DPP10: variants seen among roughly 807,000 people sequenced by gnomAD.
DPP10 encodes the protein dipeptidyl peptidase like 10, also known as inactive dipeptidyl peptidase 10.
DPP10 carries 33 observed loss-of-function variants against 120.9 expected under a neutral mutation model. The ratio of observed to expected loss-of-function variants is 0.27; its 90% confidence interval spans 0.21 to 0.37. The LOEUF (loss-of-function observed/expected upper bound fraction) is 0.37, where lower values mean the gene tolerates loss of function less well. DPP10 is among the 10% of genes least tolerant of loss of function. The pLI, the probability that DPP10 is intolerant of heterozygous loss-of-function variation, is 1.00. For synonymous variants in DPP10, 337 were observed against 326.1 expected (o/e 1.03, Z -0.36); for missense variants, 816 against 942.8 (o/e 0.87, Z 1.76).
At chr2:114,444,459 G>A (rs1421585411) in intron 1 of DPP10, among the ~76,000 whole-genome samples, 1 of 152,094 alleles carries the variant, frequency 6.6e-6, no homozygotes, top group Admixed American at 6.6e-5. Flanking sequence ...CAGGAATCAA[G>A]CATTTATTTT....
chr2:115,258,639 A>G (rs924503672), intron 1 of DPP10, among the ~76,000 whole-genome samples: 6 of 152,162 alleles, frequency 3.9e-5, no homozygotes, highest in African/African-American at 7.2e-5. Context: ...TAATGATTCT[A>G]TTTTATTTCA....
At chr2:115,805,373 GCTT>G (rs952453704) in intron 19 of DPP10, among the ~76,000 whole-genome samples, 7 of 152,188 alleles carry the variant, frequency 4.6e-5, no homozygotes, top group Admixed American at 3.9e-4. Context: ...GACCCCTTGC[GCTT>G]CCCGGGTGAG....
chr2:115,058,272 G>A (rs62164505), intron 1 of DPP10, among the ~76,000 whole-genome samples: 1 of 59,542 alleles, frequency 1.7e-5, no homozygotes, highest in Non-Finnish European at 2.9e-5. Flanking sequence ...TAATCATAAA[G>A]GGACAAAAAA....
chr2:114,964,756 T>C (rs1698884733), intron 1 of DPP10, among the ~76,000 whole-genome samples: 3 of 152,122 alleles, frequency 2.0e-5, no homozygotes, highest in African/African-American at 7.2e-5. Context: ...GGTGAAGGTT[T>C]TGGCTTTTCC....
At chr2:115,286,656 G>A (rs2060417648) in intron 1 of DPP10, among the ~76,000 whole-genome samples, 1 of 148,404 alleles carries the variant, frequency 6.7e-6, no homozygotes, top group Admixed American at 6.8e-5. Context: ...GGAGGTAAGG[G>A]TGTGGATTAA....
intron 3 of DPP10, among the ~76,000 whole-genome samples, chr2:115,446,467 A>G (rs2072599423): frequency 6.6e-6 from 1 of 152,196 alleles, no homozygotes; most frequent in African/African-American, 2.4e-5. Flanking sequence ...AAGCAGCTCA[A>G]CAGTCAAAGA....
At chr2:114,462,947 G>C (rs987280839) in intron 1 of DPP10, among the ~76,000 whole-genome samples, 4 of 151,966 alleles carry the variant, frequency 2.6e-5, no homozygotes, top group African/African-American at 9.7e-5. Context: ...TTTTTGTTTT[G>C]TAAGCATTTC....
At chr2:114,960,836 G>A (rs968372683) in intron 1 of DPP10, among the ~76,000 whole-genome samples, 5 of 152,080 alleles carry the variant, frequency 3.3e-5, no homozygotes, top group African/African-American at 1.2e-4. Flanking sequence ...GGGTGACTTT[G>A]AGAAAGATTC....
chr2:115,616,549 C>T (rs1463951665), intron 5 of DPP10, among the ~76,000 whole-genome samples: 4 of 151,422 alleles, frequency 2.6e-5, no homozygotes, highest in African/African-American at 9.7e-5. Flanking sequence ...TATTCATCTA[C>T]AGAAGCTATT....
At chr2:115,353,452 T>G (rs1414576706) in intron 3 of DPP10, among the ~76,000 whole-genome samples, 1 of 152,206 alleles carries the variant, frequency 6.6e-6, no homozygotes, top group Non-Finnish European at 1.5e-5. Context: ...TGTTATACTT[T>G]GATCTCCTTT....
At chr2:115,332,283 T>C (rs1177852254) in intron 2 of DPP10, among the ~76,000 whole-genome samples, 1 of 152,124 alleles carries the variant, frequency 6.6e-6, no homozygotes, top group African/African-American at 2.4e-5. Flanking sequence ...CCCTTTATCA[T>C]TTTTTATTGT....
intron 1 of DPP10, among the ~76,000 whole-genome samples, chr2:115,124,771 A>G (rs1167849768): frequency 6.6e-6 from 1 of 152,216 alleles, no homozygotes; most frequent in Non-Finnish European, 1.5e-5. Context: ...AGGTATCACT[A>G]GTGTCTAAAA....
intron 1 of DPP10, among the ~76,000 whole-genome samples, chr2:114,947,648 G>T (rs1338825158): frequency 6.6e-6 from 1 of 151,566 alleles, no homozygotes; most frequent in East Asian, 1.9e-4. Context: ...ATATTTCTTT[G>T]TTTTTAACTG....
chr2:114,752,000 C>T (rs188316371), intron 1 of DPP10, among the ~76,000 whole-genome samples: 2 of 152,310 alleles, frequency 1.3e-5, no homozygotes, highest in Non-Finnish European at 2.9e-5. Context: ...TGCTATTGTG[C>T]CAGACCACAG....
intron 1 of DPP10, among the ~76,000 whole-genome samples, chr2:115,049,201 A>G (rs1705286687): frequency 6.6e-6 from 1 of 152,040 alleles, no homozygotes; most frequent in African/African-American, 2.4e-5. Context: ...TAACTCATTA[A>G]TTTTATTATG....
intron 2 of DPP10, among the ~76,000 whole-genome samples, chr2:115,313,850 G>A (rs893124009): frequency 1.3e-5 from 2 of 152,022 alleles, no homozygotes; most frequent in African/African-American, 4.8e-5. Flanking sequence ...TTTAATTACA[G>A]GGTGGACTTA....
intron 1 of DPP10, among the ~76,000 whole-genome samples, chr2:115,297,859 A>G (rs2060957903): frequency 6.6e-6 from 1 of 152,058 alleles, no homozygotes; most frequent in Non-Finnish European, 1.5e-5. Context: ...AGGCTTATCA[A>G]TCCCAGAAAT....
chr2:114,848,254 G>A (rs1052405529), intron 1 of DPP10, among the ~76,000 whole-genome samples: 1 of 152,136 alleles, frequency 6.6e-6, no homozygotes, highest in Non-Finnish European at 1.5e-5. Context: ...CCTGTCTGCC[G>A]TTGTGCATGG....
At chr2:114,984,033 A>G (rs567520865) in intron 1 of DPP10, among the ~76,000 whole-genome samples, 1 of 152,302 alleles carries the variant, frequency 6.6e-6, no homozygotes, top group South Asian at 2.1e-4. Context: ...AGTGACATAT[A>G]AGGCTGCAGA....
Sources: allele counts gnomAD v4.1 joint callset (sites outside exome capture counted in the v4.1 genomes callset), GRCh38; gene constraint gnomAD v4.1.1; transcripts MANE v1.5; gene names NCBI Gene and HGNC (gene_info 2026-07-23, HGNC 2026-07-21).